PRPSAP2: variants seen among roughly 807,000 people sequenced by gnomAD.
The protein encoded by PRPSAP2 is phosphoribosyl pyrophosphate synthetase associated protein 2.
PRPSAP2 carries 24 observed loss-of-function variants against 40.6 expected under a neutral mutation model. That is an observed-to-expected ratio of 0.59 (90% CI 0.43 to 0.83). PRPSAP2 has a LOEUF of 0.83. Ranked by LOEUF, PRPSAP2 falls within the 40% of genes least tolerant of loss-of-function variation. PRPSAP2 has a pLI of 0.00. For missense variants in PRPSAP2, 292 were observed against 465.6 expected (o/e 0.63, Z 3.43); for synonymous variants, 149 against 164.7 (o/e 0.90, Z 0.73).
At chr17:18,924,053 T>G in intron 10 of PRPSAP2, 69 bp downstream of exon 10, 1 of 1,471,942 alleles carries the variant, frequency 6.8e-7, no homozygotes, top group Non-Finnish European at 9.5e-7. Context: ...ATTGATTGAT[T>G]GATTTTATTA....
intron 1 of PRPSAP2, among the ~76,000 whole-genome samples, chr17:18,861,173 C>T (rs548660292): frequency 6.3e-4 from 96 of 152,174 alleles, no homozygotes; most frequent in South Asian, 1.5e-3. Flanking sequence ...AAACTACAAG[C>T]AGGCATTATG....
intron 9 of PRPSAP2, among the ~76,000 whole-genome samples, chr17:18,920,011 C>G (rs1323208104): frequency 1.3e-5 from 2 of 152,128 alleles, no homozygotes; most frequent in African/African-American, 4.8e-5. Flanking sequence ...CCTCACGTGC[C>G]CAGGCTGTTG....
chr17:18,897,640 TTAG>T (rs2039994766), intron 8 of PRPSAP2, among the ~76,000 whole-genome samples: 1 of 152,138 alleles, frequency 6.6e-6, no homozygotes, highest in African/African-American at 2.4e-5. Flanking sequence ...TTTTGTATTC[TTAG>T]TAGAGATGGA....
chr17:18,877,931 C>T lies in PRPSAP2; in HGVS notation c.412+61C>T, dbSNP rs143838718. On this transcript the variant is annotated intron_variant, in intron 6 of 11. Transcript: ENST00000268835. ...CCTGGGAGTTTTATTTATTTATTCTCTCTTTTTTAAGACAGGGTCTTGCCC... is the reference window on the plus strand; with the variant it reads ...CCTGGGAGTTTTATTTATTTATTCTTTCTTTTTTAAGACAGGGTCTTGCCC... 1,873 of 1,486,792 alleles carry T rather than the reference C, an allele frequency of 1.3e-3. 23 individuals are homozygous for T. In the African/African-American group the frequency reaches 0.021, roughly 17 times the overall value. The allele number at this position is 1,486,792 out of a possible 1,614,324, so 92.1% of individuals were successfully genotyped here. A position where few individuals can be genotyped will look rare whatever the true frequency, so the allele number is the denominator to read the frequency against.
chr17:18,892,610 T>C (rs2039617478), intron 8 of PRPSAP2, among the ~76,000 whole-genome samples: 1 of 150,278 alleles, frequency 6.7e-6, no homozygotes, highest in South Asian at 2.1e-4. Flanking sequence ...TTTTTTTTAA[T>C]GAGACAGGGT....
At chr17:18,880,951 A>G (rs553636353) in intron 6 of PRPSAP2, among the ~76,000 whole-genome samples, 75 of 152,064 alleles carry the variant, frequency 4.9e-4, no homozygotes, top group Non-Finnish European at 1.0e-3. Context: ...CTCCTGCCTC[A>G]GCCTCCCTAG....
chr17:18,889,763 C>T, intron 7 of PRPSAP2, 59 bp from the exon 8 acceptor site: 3 of 1,353,474 alleles, frequency 2.2e-6, no homozygotes, highest in Non-Finnish European at 1.0e-6. Context: ...ATTTTTGGGT[C>T]TGTTGGAATT....
At chr17:18,926,767 A>AGTGAGT (rs1207558401) in intron 10 of PRPSAP2, among the ~76,000 whole-genome samples, 6 of 135,054 alleles carry the variant, frequency 4.4e-5, no homozygotes, top group African/African-American at 1.7e-4. Flanking sequence ...TTGTGCATGT[A>AGTGAGT]GTGAGTGTGA....
chr17:18,897,806 G>A (rs1671889912), intron 8 of PRPSAP2, among the ~76,000 whole-genome samples: 1 of 151,728 alleles, frequency 6.6e-6, no homozygotes, highest in African/African-American at 2.4e-5. Flanking sequence ...TGTTTTAATA[G>A]TTGTTCTAAG....
intron 10 of PRPSAP2, chr17:18,928,548 G>T (rs918742796): frequency 4.4e-6 from 2 of 452,122 alleles, no homozygotes; most frequent in African/African-American, 4.0e-5. Flanking sequence ...GCAGAAAACA[G>T]TGCTACCCCT....
In PRPSAP2 at chr17:18,865,867, A is replaced by T. The variant is rs1455146977; in HGVS notation, c.34A>T (p.Lys12Ter). 1 of 1,525,372 alleles carries T rather than the reference A, an allele frequency of 6.6e-7. No homozygotes were observed. Among genetic ancestry groups the T allele is most frequent in the Non-Finnish European group, 8.9e-7 (1 of 1,126,484 alleles). 94.5% of individuals were successfully genotyped at this position (1,525,372 alleles called of 1,614,324 possible). Reference sequence around the variant, plus strand: ...TGTGACGCCACCTGAATTAGAAACCAAGATGAACATAACCAAAGGTGGTCT... The same window carrying T: ...TGTGACGCCACCTGAATTAGAAACCTAGATGAACATAACCAAAGGTGGTCT... ...FCVTPPELETKMNITKGGLVL... is the reference protein window; with the variant it reads ...FCVTPPELET The change falls in exon 3 of 12, where the codon AAG (lysine) becomes TAG (stop). Residue 12 changes from lysine (K) to a stop codon, truncating the protein, a stop_gained. Coordinates refer to ENST00000268835, the MANE Select transcript of PRPSAP2 (RefSeq NM_002767.4). LOFTEE classifies it high-confidence loss of function.
intron 7 of PRPSAP2, among the ~76,000 whole-genome samples, chr17:18,889,375 T>TATTTAAATATTTAAAGGATATTTGTTAAA (rs2039393455): frequency 6.6e-6 from 1 of 152,202 alleles, no homozygotes; most frequent in Admixed American, 6.5e-5. Flanking sequence ...GCTGGGCCGA[T>TATTTAAATATTTAAAGGATATTTGTTAAA]TATCCTTTAA....
At chr17:18,877,582 T>C in intron 5 of PRPSAP2, 116 bp from the exon 6 acceptor site, 1 of 978,440 alleles carries the variant, frequency 1.0e-6, no homozygotes, top group Non-Finnish European at 1.5e-6. Flanking sequence ...TTGGTTTTTT[T>C]CTGCCTTGCA....
At position 18,886,799 on chromosome 17, in the gene PRPSAP2, T is replaced by G. The variant is rs762833726; in HGVS notation, c.529-3023T>G. ...TCTTAAGTTTCATAAAGCATTTGAT[T>G]GTTGCCTTGCAAGAAAATGTGGAAT... is the stretch of plus-strand genomic sequence containing the variant. On this transcript the variant is annotated intron_variant, in intron 7 of 11. Coordinates refer to ENST00000268835, the MANE Select transcript of PRPSAP2 (RefSeq NM_002767.4). 4.6e-4 allele frequency among the ~76,000 whole-genome samples: 70 copies of G among 152,146 alleles called. 1 individual carries two copies. The highest frequency in any genetic ancestry group is 2.2e-3 in the Admixed American group (33 of 15,244).
At chr17:18,899,339 G>A (rs1172424835) in intron 8 of PRPSAP2, among the ~76,000 whole-genome samples, 1 of 151,808 alleles carries the variant, frequency 6.6e-6, no homozygotes, top group Non-Finnish European at 1.5e-5. Context: ...TCCCATCTTA[G>A]CCTCCAGAGT....
chr17:18,858,872 G>A (rs1237543971), intron 1 of PRPSAP2, among the ~76,000 whole-genome samples: 1 of 151,956 alleles, frequency 6.6e-6, no homozygotes, highest in Non-Finnish European at 1.5e-5. Context: ...GTGATCTCTA[G>A]TGTTTAAAAA....
intron 7 of PRPSAP2, among the ~76,000 whole-genome samples, chr17:18,884,833 A>G (rs927138118): frequency 6.6e-6 from 1 of 152,204 alleles, no homozygotes; most frequent in Non-Finnish European, 1.5e-5. Flanking sequence ...CTATAGACTT[A>G]TGTGGGTTGC....
chr17:18,890,088 A>G (rs947502632), intron 8 of PRPSAP2, among the ~76,000 whole-genome samples: 5 of 151,858 alleles, frequency 3.3e-5, no homozygotes, highest in African/African-American at 1.2e-4. Context: ...CCACTCTATG[A>G]TTGCCAGACA....
upstream of PRPSAP2, chr17:18,856,608 A>G (rs891129598): frequency 6.6e-6 from 1 of 152,232 alleles, no homozygotes; most frequent in Admixed American, 6.5e-5. Context: ...GTTGAACCAT[A>G]AAGACTCTAG....
Sources: allele counts gnomAD v4.1 joint callset (sites outside exome capture counted in the v4.1 genomes callset), GRCh38; gene constraint gnomAD v4.1.1; transcripts MANE v1.5; gene names NCBI Gene and HGNC (gene_info 2026-07-23, HGNC 2026-07-21).